ZMAT4: variants seen among roughly 807,000 people sequenced by gnomAD.
ZMAT4 encodes the protein zinc finger matrin-type protein 4.
ZMAT4 carries 17 observed loss-of-function variants against 28.7 expected under a neutral mutation model. The ratio of observed to expected loss-of-function variants is 0.59; its 90% CI spans 0.41 to 0.89. The LOEUF is 0.89. Among genes scored for constraint, ZMAT4 ranks in the 40% least tolerant of loss-of-function variants. The pLI, the probability that ZMAT4 is intolerant of heterozygous loss-of-function variation, is 0.00. For synonymous variants in ZMAT4, 117 were observed against 109.2 expected (o/e 1.07, Z -0.44); for missense variants, 240 against 283.8 (o/e 0.85, Z 1.11).
At chr8:40,632,363 A>C (rs1433135355) in intron 5 of ZMAT4, among the ~76,000 whole-genome samples, 1 of 152,112 alleles carries the variant, frequency 6.6e-6, no homozygotes, top group Non-Finnish European at 1.5e-5. Flanking sequence ...CCTTATTACT[A>C]GTTGGTAATG....
intron 3 of ZMAT4, among the ~76,000 whole-genome samples, chr8:40,754,418 A>G (rs148200065): frequency 6.6e-6 from 1 of 152,298 alleles, no homozygotes; most frequent in African/African-American, 2.4e-5. Context: ...ACTATGATAT[A>G]TATCTCAGTA....
chr8:40,851,826 A>G (rs1257479755), intron 1 of ZMAT4, among the ~76,000 whole-genome samples: 1 of 152,204 alleles, frequency 6.6e-6, no homozygotes, highest in Admixed American at 6.5e-5. Context: ...TGTTAAATCA[A>G]CAGAACTTCC....
chr8:40,532,757 G>A (rs930140120), intron 6 of ZMAT4, among the ~76,000 whole-genome samples: 1 of 152,104 alleles, frequency 6.6e-6, no homozygotes, highest in African/African-American at 2.4e-5. Flanking sequence ...CAACACTTTG[G>A]GAGGTAGAGG....
rs187917104 is a variant in ZMAT4, at chr8:40,830,926, A to G, written c.-4-5246T>C. On this transcript the variant is annotated intron_variant, in intron 1 of 6. Transcript: ENST00000297737. The stretch of plus-strand genomic sequence containing the variant: ...TTCTCACAGGGTTATTGTGAGGATT[A>G]GAAATAATGTAGATAAACCATCTAG... Among the ~76,000 whole-genome samples, 1,214 of 152,354 alleles carry G rather than the reference A, an allele frequency of 8.0e-3. 7 individuals carry two copies. Among genetic ancestry groups the G allele is most frequent in the Non-Finnish European group, 0.011 (774 of 68,034 alleles).
At chr8:40,802,372 A>G (rs1814887232) in intron 2 of ZMAT4, among the ~76,000 whole-genome samples, 1 of 152,248 alleles carries the variant, frequency 6.6e-6, no homozygotes, top group Non-Finnish European at 1.5e-5. Context: ...AGGTGATTAT[A>G]GCAAAGTCAC....
intron 5 of ZMAT4, among the ~76,000 whole-genome samples, chr8:40,643,168 AC>A (rs972468879): frequency 2.6e-5 from 4 of 152,098 alleles, no homozygotes; most frequent in Non-Finnish European, 4.4e-5. Flanking sequence ...GTCTGTGCCC[AC>A]ACACTAGATA....
chr8:40,647,977 A>T (rs1807423136), intron 5 of ZMAT4, among the ~76,000 whole-genome samples: 1 of 152,226 alleles, frequency 6.6e-6, no homozygotes, highest in Non-Finnish European at 1.5e-5. Context: ...ATGGGGAAAA[A>T]ACAGAACAGA....
chr8:40,881,743 C>A (rs940274772), intron 1 of ZMAT4, among the ~76,000 whole-genome samples: 3 of 152,064 alleles, frequency 2.0e-5, no homozygotes, highest in Non-Finnish European at 2.9e-5. Context: ...TATCAGAACA[C>A]CCATTCTTTT....
At chr8:40,649,349 G>A (rs2118805826) in intron 5 of ZMAT4, among the ~76,000 whole-genome samples, 1 of 152,264 alleles carries the variant, frequency 6.6e-6, no homozygotes, top group East Asian at 1.9e-4. Flanking sequence ...TAATGGTAAA[G>A]GGATCAATTC....
intron 4 of ZMAT4, among the ~76,000 whole-genome samples, chr8:40,696,064 G>A (rs1266318952): frequency 6.6e-6 from 1 of 152,038 alleles, no homozygotes; most frequent in South Asian, 2.1e-4. Flanking sequence ...AGAATCAGGA[G>A]TTTCAATTGA....
intron 3 of ZMAT4, among the ~76,000 whole-genome samples, chr8:40,752,885 T>C (rs2150547937): frequency 6.6e-6 from 1 of 152,284 alleles, no homozygotes; most frequent in South Asian, 2.1e-4. Flanking sequence ...TCTTCTTTTT[T>C]TTTAATTTTA....
At chr8:40,829,698 C>T (rs998419351) in intron 1 of ZMAT4, among the ~76,000 whole-genome samples, 1 of 152,060 alleles carries the variant, frequency 6.6e-6, no homozygotes, top group Non-Finnish European at 1.5e-5. Flanking sequence ...TCCAACAGAA[C>T]TTGGGGGATG....
intron 4 of ZMAT4, among the ~76,000 whole-genome samples, chr8:40,690,340 A>G (rs1447612317): frequency 6.6e-6 from 1 of 152,198 alleles, no homozygotes; most frequent in Non-Finnish European, 1.5e-5. Context: ...TGGCTAAAAT[A>G]ACGATCACTA....
At chr8:40,770,440 C>T (rs757798969) in intron 2 of ZMAT4, among the ~76,000 whole-genome samples, 1 of 152,088 alleles carries the variant, frequency 6.6e-6, no homozygotes, top group African/African-American at 2.4e-5. Context: ...CCAACCTAGG[C>T]CTGTGGCACC....
intron 5 of ZMAT4, among the ~76,000 whole-genome samples, chr8:40,620,370 G>A (rs1186252427): frequency 1.3e-5 from 2 of 152,208 alleles, no homozygotes; most frequent in African/African-American, 4.8e-5. Flanking sequence ...AAGCGCGGCA[G>A]GGCTAGTGAC....
At chr8:40,545,427 CCCCA>C (rs1448648456) in intron 6 of ZMAT4, among the ~76,000 whole-genome samples, 1 of 152,098 alleles carries the variant, frequency 6.6e-6, no homozygotes, top group Non-Finnish European at 1.5e-5. Flanking sequence ...ATTATGCTCC[CCCCA>C]AAAATTATAT....
intron 3 of ZMAT4, among the ~76,000 whole-genome samples, chr8:40,706,462 G>T (rs77818893): frequency 0.045 from 6,872 of 152,202 alleles, 294 homozygotes; most frequent in East Asian, 0.24. Flanking sequence ...AGAAAATGAA[G>T]CTCAGAGGGT....
intron 1 of ZMAT4, among the ~76,000 whole-genome samples, chr8:40,868,288 G>A (rs931642494): frequency 2.6e-5 from 4 of 152,082 alleles, no homozygotes; most frequent in Non-Finnish European, 4.4e-5. Context: ...AGTGCTGTGC[G>A]GGCCACAGCA....
intron 1 of ZMAT4, among the ~76,000 whole-genome samples, chr8:40,894,206 C>T (rs75986738): frequency 9.2e-4 from 140 of 152,326 alleles, no homozygotes; most frequent in African/African-American, 3.0e-3. Flanking sequence ...GACTGTGCTT[C>T]GAAGCATCTG....
Sources: allele counts gnomAD v4.1 joint callset (sites outside exome capture counted in the v4.1 genomes callset), GRCh38; gene constraint gnomAD v4.1.1; transcripts MANE v1.5; gene names NCBI Gene and HGNC (gene_info 2026-07-23, HGNC 2026-07-21).